The following NID2 variants were observed in gnomAD, a reference collection of about 807,000 sequenced individuals.
NID2 encodes nidogen 2.
NID2 carries 83 observed loss-of-function variants against 145.4 expected under a neutral mutation model. That is an observed-to-expected ratio of 0.57 (90% confidence interval 0.48 to 0.69). The LOEUF is 0.69. Ranked by LOEUF, NID2 falls within the 30% of genes least tolerant of loss-of-function variation. The pLI is 0.00. For missense variants in NID2, 1,807 were observed against 1,765.7 expected (o/e 1.02, Z -0.42); for synonymous variants, 739 against 701.3 (o/e 1.05, Z -0.85).
intron 12 of NID2, among the ~76,000 whole-genome samples, chr14:52,020,950 T>TAC (rs1057126388): frequency 2.6e-5 from 4 of 152,054 alleles, no homozygotes; most frequent in Non-Finnish European, 4.4e-5. Context: ...AAAGCCAACT[T>TAC]ACATTCCTTT....
chr14:52,065,675 C>T (rs1400682470), intron 2 of NID2, among the ~76,000 whole-genome samples: 4 of 92,530 alleles, frequency 4.3e-5, no homozygotes, highest in African/African-American at 2.0e-4. Context: ...CCACCACAGT[C>T]CCCAGAGTGT....
chr14:52,009,992 AAAG>A (rs1446531148), intron 18 of NID2: 2 of 152,112 alleles, frequency 1.3e-5, no homozygotes, highest in Non-Finnish European at 2.9e-5. Flanking sequence ...GTCTCAAAAA[AAAG>A]AAAAAAAAAA....
intron 5 of NID2, among the ~76,000 whole-genome samples, chr14:52,044,806 A>G (rs1892427943): frequency 6.6e-6 from 1 of 150,480 alleles, no homozygotes; most frequent in South Asian, 2.1e-4. Flanking sequence ...GGTTGGGGGG[A>G]GGGGTCTCCC....
chr14:52,043,594 G>C (rs1267584147), intron 5 of NID2, among the ~76,000 whole-genome samples: 2 of 152,188 alleles, frequency 1.3e-5, no homozygotes, highest in Non-Finnish European at 2.9e-5. Context: ...CGCAGTAGCA[G>C]ACAGCTTGGG....
intron 3 of NID2, among the ~76,000 whole-genome samples, chr14:52,059,028 C>T (rs1892942815): frequency 6.6e-6 from 1 of 152,062 alleles, no homozygotes; most frequent in Admixed American, 6.6e-5. Flanking sequence ...ATAAGTAGTT[C>T]AGCACTCCAG....
chr14:52,012,712 TA>T (rs57813274), intron 16 of NID2, among the ~76,000 whole-genome samples: 16,458 of 152,128 alleles, frequency 0.11, 941 homozygotes, highest in African/African-American at 0.12. Context: ...ACAAGTCTTT[TA>T]AAAAAATAAT....
intron 2 of NID2, among the ~76,000 whole-genome samples, chr14:52,061,128 T>C (rs1210612022): frequency 6.6e-6 from 1 of 152,180 alleles, no homozygotes; most frequent in Non-Finnish European, 1.5e-5. Flanking sequence ...TGCATCTTTG[T>C]CAGACTATTT....
chr14:52,006,578 G>A lies in NID2; in HGVS notation c.3963C>T (p.Ile1321=), dbSNP rs769625281. 53 of 1,613,696 alleles carry A rather than the reference G, an allele frequency of 3.3e-5. No homozygotes were observed. The highest frequency in any genetic ancestry group is 9.9e-5 in the South Asian group (9 of 91,072). Residue 1321 remains isoleucine (I), a synonymous_variant, in exon 20 of 22, where the codon ATC becomes ATT. Coordinates refer to ENST00000216286, the MANE Select transcript of NID2 (RefSeq NM_007361.4). ...GGTAGAAGTGATCTGCATAGCTTAC[G>A]ATGCTGAAGGGGTACTTGAGGTTGT... ...IQNNLKYPFS[I]VSYADHFYHT... is the part of the protein sequence containing the mutation.
chr14:52,053,108 C>G (rs985478678), intron 5 of NID2, among the ~76,000 whole-genome samples: 1 of 152,224 alleles, frequency 6.6e-6, no homozygotes, highest in Non-Finnish European at 1.5e-5. Flanking sequence ...ACAAGCATAT[C>G]TCCCCAACCA....
rs1892845929 is a variant in NID2, at chr14:52,056,385, C to G, written c.768-2064G>C. ...TTAAAATCCAAGGTCATTTGGAAAG[C>G]TTAGTAATAGAAAGAACTTAATTTA... On this transcript the variant is annotated intron_variant, in intron 3 of 21. Transcript: ENST00000216286. 2.0e-5 allele frequency among the ~76,000 whole-genome samples: 3 copies of G among 152,090 alleles called. No individual in the cohort carries two copies. In the South Asian group the frequency reaches 6.2e-4, roughly 32 times the overall value.
intron 2 of NID2, among the ~76,000 whole-genome samples, chr14:52,067,279 A>G (rs911574474): frequency 6.6e-6 from 1 of 152,252 alleles, no homozygotes; most frequent in African/African-American, 2.4e-5. Context: ...AATGATGTAG[A>G]AATACATTTA....
intron 12 of NID2, among the ~76,000 whole-genome samples, chr14:52,024,148 A>T (rs984397803): frequency 4.9e-4 from 74 of 152,252 alleles, no homozygotes; most frequent in African/African-American, 1.7e-3. Context: ...AGTTTAGAAG[A>T]CAACTACATG....
chr14:52,010,910 T>A lies in NID2; in HGVS notation c.3688A>T (p.Asn1230Tyr). 6.2e-7 allele frequency: 1 copy of A among 1,613,690 alleles called. No individual in the cohort carries two copies. Among genetic ancestry groups the A allele is most frequent in the Non-Finnish European group, 8.5e-7 (1 of 1,179,988 alleles). Residue 1230 changes from asparagine (N) to tyrosine (Y), a missense_variant, in exon 18 of 22, where the codon AAT becomes TAT. Coordinates refer to ENST00000216286, the MANE Select transcript of NID2 (RefSeq NM_007361.4). Reference sequence around the variant, plus strand: ...GGATCCACAGCGATGGCACGGGGATTCACCAGATCTGTGTAGAAGAGGACC... The same window carrying A: ...GGATCCACAGCGATGGCACGGGGATACACCAGATCTGTGTAGAAGAGGACC... ...RKVLFYTDLV[N>Y]PRAIAVDPIR...
intron 2 of NID2, among the ~76,000 whole-genome samples, chr14:52,065,405 T>A (rs1219650105): frequency 1.3e-5 from 2 of 150,956 alleles, no homozygotes; most frequent in Non-Finnish European, 2.9e-5. Flanking sequence ...GGAAGAAACT[T>A]CAATGTGGGT....
chr14:52,028,968 G>T, intron 10 of NID2, 118 bp from the exon 11 acceptor site: 1 of 981,882 alleles, frequency 1.0e-6, no homozygotes, highest in Non-Finnish European at 1.5e-6. Flanking sequence ...ATGGTTGGCA[G>T]ATGTAGAATT....
chr14:52,011,890 CTA>C (rs1891043935), intron 16 of NID2: 2 of 558,550 alleles, frequency 3.6e-6, no homozygotes, highest in Non-Finnish European at 6.4e-6. Context: ...CATTTAACCT[CTA>C]TGCGTTTGTC....
rs1182328190 is a variant in NID2 at position 52,014,424 on chromosome 14, G to A, written c.3283C>T (p.Pro1095Ser). 1.2e-6 allele frequency: 2 copies of A among 1,613,678 alleles called. No homozygotes were observed. Among genetic ancestry groups the A allele is most frequent in the Non-Finnish European group, 8.5e-7 (1 of 1,179,772 alleles). The change falls in exon 16 of 22, where the codon CCC (proline) becomes TCC (serine). Residue 1095 changes from proline (P) to serine (S), a missense_variant. Coordinates refer to ENST00000216286, the MANE Select transcript of NID2 (RefSeq NM_007361.4). ...IPTVAPPMVRPTPRPDVTPPS... is the reference protein window; with the variant it reads ...IPTVAPPMVRSTPRPDVTPPS... ...GGGGTCACATCTGGCCGGGGCGTGGGCCGGACCATGGGTGGAGCGACGGTG... is the reference window on the plus strand; with the variant it reads ...GGGGTCACATCTGGCCGGGGCGTGGACCGGACCATGGGTGGAGCGACGGTG...
rs1566763878 is a variant in NID2 at position 52,042,194 on chromosome 14, G to A, written c.1736C>T (p.Ala579Val). The A allele has an allele frequency of 1.2e-6, 2 of 1,614,232 alleles. No homozygotes were observed. The highest frequency in any genetic ancestry group is 1.7e-6 in the Non-Finnish European group (2 of 1,180,044). ...ISHIPQPAAQ[A>V]LLPLTPIGGL... ...TCCAATTGGTGTGAGGGGGAGGAGG[G>A]CCTGGGCTGCTGGCTGTGGGATGTG... The change falls in exon 7 of 22, where the codon GCC becomes GTC. Residue 579 changes from alanine to valine, a missense_variant. Physicochemically the swap from Ala to Val is moderately conservative, Grantham distance 64. Coordinates refer to ENST00000216286, the MANE Select transcript of NID2 (RefSeq NM_007361.4).
intron 18 of NID2, 23 bp downstream of exon 18, chr14:52,010,853 A>G: frequency 6.2e-7 from 1 of 1,606,690 alleles, no homozygotes; most frequent in East Asian, 2.2e-5. Flanking sequence ...AGGTAAGAGA[A>G]GAATTAGGGA....
Sources: allele counts gnomAD v4.1 joint callset (sites outside exome capture counted in the v4.1 genomes callset), GRCh38; gene constraint gnomAD v4.1.1; transcripts MANE v1.5; gene names NCBI Gene and HGNC (gene_info 2026-07-23, HGNC 2026-07-21).